Variants in DNAAF1 observed in about 807,000 individuals in gnomAD.
DNAAF1 encodes dynein assembly factor 1, axonemal.
In DNAAF1, 65 loss-of-function variants were observed where a neutral mutation model predicts 71.1. The observed-to-expected ratio is 0.91, with a 90% CI of 0.75 to 1.12. The LOEUF is 1.12. Among genes scored for constraint, DNAAF1 ranks in the 50% most tolerant of loss-of-function variants. The pLI is 0.00. For missense variants in DNAAF1, 1,178 were observed against 899.8 expected (o/e 1.31, Z -3.96); for synonymous variants, 414 against 354.6 (o/e 1.17, Z -1.88).
Position 84,170,335 on chromosome 16 carries a change from C to A in DNAAF1, c.1507C>A (p.Pro503Thr), listed in dbSNP as rs1295741623. The change falls in exon 8 of 12, where the codon CCC (proline) becomes ACC (threonine). Residue 503 changes from proline (P) to threonine (T), a missense_variant. Pro to Thr is a conservative substitution (Grantham distance 38). Coordinates refer to ENST00000378553, the MANE Select transcript of DNAAF1 (RefSeq NM_178452.6). ...TLPAEAPPPP[P>T]LGAAREEPTP... is the part of the protein sequence containing the mutation. ...CCCAGCTGAGGCCCCACCACCACCGCCCCTGGGAGCTGCCAGGGAAGGTAA... is the reference window on the plus strand; with the variant it reads ...CCCAGCTGAGGCCCCACCACCACCGACCCTGGGAGCTGCCAGGGAAGGTAA... The A allele has an allele frequency of 6.2e-7, 1 of 1,613,898 alleles. No homozygotes were observed. The highest frequency in any genetic ancestry group is 8.5e-7 in the Non-Finnish European group (1 of 1,180,022).
At chr16:84,170,892 TTAA>T (rs1419870658) in intron 8 of DNAAF1, among the ~76,000 whole-genome samples, 8 of 152,166 alleles carry the variant, frequency 5.3e-5, no homozygotes, top group Non-Finnish European at 8.8e-5. Flanking sequence ...AGTAAAACTA[TTAA>T]TGACATGTTT....
intron 9 of DNAAF1, chr16:84,173,489 A>G (rs963734627): frequency 1.0e-6 from 1 of 984,404 alleles, no homozygotes; most frequent in Admixed American, 6.2e-5. Flanking sequence ...AGTTAAAGTG[A>G]TCACGGTCAG....
intron 7 of DNAAF1, 87 bp downstream of exon 7, chr16:84,166,036 A>G (rs767695718): frequency 3.7e-6 from 4 of 1,077,122 alleles, no homozygotes; most frequent in Admixed American, 2.3e-5. Flanking sequence ...TAATCTTGGG[A>G]ATTTTTTTTT....
chr16:84,155,885 G>A (rs186060764), intron 5 of DNAAF1, 136 bp downstream of exon 5: 1 of 1,173,866 alleles, frequency 8.5e-7, no homozygotes, highest in Admixed American at 2.0e-5. Context: ...TCCTCTTTGT[G>A]TTTTTAGCTG....
At chr16:84,146,537 T>C (rs11865531) in intron 1 of DNAAF1, among the ~76,000 whole-genome samples, 1,948 of 152,202 alleles carry the variant, frequency 0.013, 38 homozygotes, top group African/African-American at 0.041. Flanking sequence ...GCCAACATAT[T>C]GAAACCCTGT....
intron 7 of DNAAF1, among the ~76,000 whole-genome samples, chr16:84,166,636 G>T (rs1458405023): frequency 6.6e-6 from 1 of 152,180 alleles, no homozygotes; most frequent in Non-Finnish European, 1.5e-5. Flanking sequence ...GCTTCCCAAA[G>T]TGCTGGGATT....
intron 7 of DNAAF1, among the ~76,000 whole-genome samples, chr16:84,166,676 G>A (rs749674641): frequency 5.3e-5 from 8 of 152,150 alleles, no homozygotes; most frequent in Non-Finnish European, 1.2e-4. Context: ...CCTGGCCAGG[G>A]ATTTTTTTAA....
intron 6 of DNAAF1, among the ~76,000 whole-genome samples, chr16:84,161,946 C>G (rs541940453): frequency 1.3e-5 from 2 of 152,304 alleles, no homozygotes; most frequent in South Asian, 4.1e-4. Flanking sequence ...CTTACATTCA[C>G]TGCTGGGTCC....
At chr16:84,150,050 T>G (rs2087112301) in intron 2 of DNAAF1, among the ~76,000 whole-genome samples, 1 of 151,136 alleles carries the variant, frequency 6.6e-6, no homozygotes, top group African/African-American at 2.4e-5. Context: ...GAAAATAATA[T>G]TCGATGAGGC....
At chr16:84,157,851 G>A (rs1305649451) in intron 5 of DNAAF1, among the ~76,000 whole-genome samples, 3 of 152,092 alleles carry the variant, frequency 2.0e-5, no homozygotes, top group African/African-American at 7.2e-5. Context: ...TAATCCCCCC[G>A]TTTGTTCGTT....
rs2088236952 is a variant in DNAAF1, at chr16:84,169,981, G to A, written c.1153G>A (p.Ala385Thr). The A allele has an allele frequency of 3.1e-6, 5 of 1,614,056 alleles. No individual in the cohort carries two copies. The highest frequency in any genetic ancestry group is 1.7e-4 in the Middle Eastern group (1 of 5,894). ...MELFVKESFE[A>T]KDELCPEKPS... ...GCTATTTGTTAAGGAAAGCTTTGAG[G>A]CCAAGGACGAGCTCTGCCCGGAAAA... is the stretch of plus-strand genomic sequence containing the variant. The change falls in exon 8 of 12, where the codon GCC (alanine) becomes ACC (threonine). Residue 385 changes from alanine (A) to threonine (T), a missense_variant. By Grantham distance (58) the Ala-to-Thr change is moderately conservative. Transcript: ENST00000378553.
At chr16:84,174,374 T>G in intron 9 of DNAAF1, 1 of 1,303,864 alleles carries the variant, frequency 7.7e-7, no homozygotes, top group Non-Finnish European at 9.8e-7. Flanking sequence ...TCCCCCAAGA[T>G]GAACTGGCTG....
In DNAAF1 at chr16:84,154,815, A is replaced by G; in HGVS notation, c.574+17A>G. On this transcript the variant is annotated intron_variant, in intron 4 of 11. Transcript: ENST00000378553. ...AAAACCTCTGTAAGGGTACCCAGCA[A>G]GCAGTGTGTCTGTTTGCCATATGTC... is the stretch of plus-strand genomic sequence containing the variant. 8.1e-6 allele frequency: 13 copies of G among 1,595,910 alleles called. No individual in the cohort carries two copies. Among genetic ancestry groups the G allele is most frequent in the Non-Finnish European group, 1.0e-5 (12 of 1,163,424 alleles).
chr16:84,148,077 A>AG (rs2086999709), intron 1 of DNAAF1, among the ~76,000 whole-genome samples: 1 of 152,060 alleles, frequency 6.6e-6, no homozygotes, highest in African/African-American at 2.4e-5. Context: ...AAAAAAAAAA[A>AG]GAAATAAAAC....
chr16:84,168,405 A>G (rs775973265), intron 7 of DNAAF1, among the ~76,000 whole-genome samples: 28 of 152,168 alleles, frequency 1.8e-4, no homozygotes, highest in Non-Finnish European at 2.9e-4. Context: ...TAACGTATTC[A>G]TATTCTGACA....
At chr16:84,154,546 G>A in intron 3 of DNAAF1, 31 bp from the exon 4 acceptor site, 1 of 1,603,980 alleles carries the variant, frequency 6.2e-7, no homozygotes, top group Non-Finnish European at 8.5e-7. Flanking sequence ...GGGAGTAGGA[G>A]CTTAATTCCC....
At chr16:84,171,511 C>T (rs1218182459) in intron 8 of DNAAF1, among the ~76,000 whole-genome samples, 1 of 152,130 alleles carries the variant, frequency 6.6e-6, no homozygotes, top group East Asian at 1.9e-4. Context: ...GGAAGGGGCT[C>T]CTCGCGATTC....
Position 84,165,956 on chromosome 16 carries a change from G to T in DNAAF1, c.1030+7G>T. On this transcript the variant is annotated splice_region_variant and intron_variant, in intron 7 of 11. Transcript: ENST00000378553. ...AGAGAGAGTCAAGAGAGAGGTATGC[G>T]CTCGGCCGAAGACAACAGCCCCAGA... 6.2e-7 allele frequency: 1 copy of T among 1,612,582 alleles called. No homozygotes were observed.
intron 11 of DNAAF1, 47 bp downstream of exon 11, chr16:84,176,346 C>T (rs746171905): frequency 2.9e-5 from 46 of 1,611,218 alleles, no homozygotes; most frequent in South Asian, 6.6e-5. Context: ...GTTGGCTCCC[C>T]GGCCTGGGAT....
Sources: gnomAD v4.1 joint callset for allele counts (sites outside exome capture counted in the v4.1 genomes callset) on GRCh38, gnomAD v4.1.1 for gene constraint, MANE v1.5 for transcripts, NCBI Gene and HGNC (gene_info 2026-07-23, HGNC 2026-07-21) for gene names.